Variants in HIVEP1 observed in about 807,000 individuals in gnomAD.
HIVEP1 encodes zinc finger protein 40.
In HIVEP1, 36 loss-of-function variants were observed where a neutral mutation model predicts 180.0. The ratio of observed to expected loss-of-function variants is 0.20; its 90% CI spans 0.15 to 0.26. The LOEUF (loss-of-function observed/expected upper bound fraction) is 0.26. Ranked by LOEUF, HIVEP1 falls within the 10% of genes least tolerant of loss-of-function variation. HIVEP1 has a pLI of 1.00. For synonymous variants in HIVEP1, 1,239 were observed against 1,239.0 expected, an observed-to-expected ratio of 1.00 and a Z score of 0.00; for missense variants, 3,143 against 3,268.7, an observed-to-expected ratio of 0.96 and a Z score of 0.94.
chr6:12,194,914 G>A, the HIVEP1 span, among the ~76,000 whole-genome samples: 1 of 152,116 alleles, frequency 6.6e-6, no homozygotes, highest in Non-Finnish European at 1.5e-5. Flanking sequence ...ACAAAGAAGA[G>A]CCAAAAAGGA....
At chr6:12,100,869 T>C (rs7752678) in intron 3 of HIVEP1, among the ~76,000 whole-genome samples, 42,141 of 152,000 alleles carry the variant, frequency 0.28, 6,491 homozygotes, top group Non-Finnish European at 0.35. Flanking sequence ...AGAATAGGGA[T>C]GCTCAGCCGG....
At chr6:12,117,415 C>T (rs939001913) in intron 3 of HIVEP1, among the ~76,000 whole-genome samples, 2 of 152,156 alleles carry the variant, frequency 1.3e-5, no homozygotes, top group Non-Finnish European at 1.5e-5. Context: ...TCTTAACTCC[C>T]AGTAGATTTA....
chr6:12,154,291 C>T (rs914151283), intron 7 of HIVEP1, among the ~76,000 whole-genome samples: 11 of 152,200 alleles, frequency 7.2e-5, no homozygotes, highest in African/African-American at 2.4e-4. Context: ...GAAATCCTTA[C>T]CTTTACTCCT....
intron 7 of HIVEP1, among the ~76,000 whole-genome samples, chr6:12,143,914 A>G (rs1759206424): frequency 6.6e-6 from 1 of 152,218 alleles, no homozygotes; most frequent in Non-Finnish European, 1.5e-5. Flanking sequence ...AGAACATTCC[A>G]TGCTCATGGA....
At chr6:12,174,793 TTTG>T in the HIVEP1 span, among the ~76,000 whole-genome samples, 538 of 152,242 alleles carry the variant, frequency 3.5e-3, 1 homozygote, top group Middle Eastern at 0.024. Flanking sequence ...ACTTACAACT[TTTG>T]TTGTTGTTGT....
intron 6 of HIVEP1, among the ~76,000 whole-genome samples, chr6:12,131,413 A>AT (rs534966523): frequency 0.011 from 1,515 of 144,108 alleles, 30 homozygotes; most frequent in Non-Finnish European, 0.016. Flanking sequence ...ATACATAGCC[A>AT]TTTTTTTTCA....
At chr6:12,105,601 C>T (rs1011653524) in intron 3 of HIVEP1, among the ~76,000 whole-genome samples, 2 of 152,170 alleles carry the variant, frequency 1.3e-5, no homozygotes, top group Non-Finnish European at 2.9e-5. Flanking sequence ...TACTATAAGT[C>T]CCTTATAAAA....
chr6:12,113,417 G>A (rs1485837836), intron 3 of HIVEP1, among the ~76,000 whole-genome samples: 1 of 151,966 alleles, frequency 6.6e-6, no homozygotes, highest in African/African-American at 2.4e-5. Context: ...GGGGCAGTTC[G>A]AGGAGGAGAA....
intron 2 of HIVEP1, among the ~76,000 whole-genome samples, chr6:12,059,604 T>C (rs1028811988): frequency 6.6e-6 from 1 of 152,214 alleles, no homozygotes; most frequent in African/African-American, 2.4e-5. Flanking sequence ...GCCACCTACC[T>C]GGGGTTCTCC....
At chr6:12,185,053 G>GT in the HIVEP1 span, among the ~76,000 whole-genome samples, 2 of 152,196 alleles carry the variant, frequency 1.3e-5, no homozygotes, top group Non-Finnish European at 2.9e-5. Context: ...TAAATAACAG[G>GT]TTTTGAATGT....
upstream of HIVEP1, chr6:12,008,268 G>A (rs1767108360): frequency 6.6e-6 from 1 of 152,278 alleles, no homozygotes; most frequent in Non-Finnish European, 1.5e-5. Flanking sequence ...TTTTATTCTT[G>A]TCTTTTCAAG....
chr6:12,174,754 A>G, the HIVEP1 span, among the ~76,000 whole-genome samples: 1 of 152,200 alleles, frequency 6.6e-6, no homozygotes, highest in East Asian at 1.9e-4. Context: ...ACATATTTCC[A>G]TGATGGACTT....
intron 2 of HIVEP1, among the ~76,000 whole-genome samples, chr6:12,037,212 A>G (rs1275936776): frequency 6.6e-6 from 1 of 152,128 alleles, no homozygotes; most frequent in African/African-American, 2.4e-5. Flanking sequence ...GGAGTGCCTC[A>G]TTTTCACTTC....
the HIVEP1 span, among the ~76,000 whole-genome samples, chr6:12,195,540 C>T: frequency 6.6e-6 from 1 of 152,144 alleles, no homozygotes; most frequent in Non-Finnish European, 1.5e-5. Flanking sequence ...TAGTTTAACC[C>T]ACACAATAAC....
intron 2 of HIVEP1, among the ~76,000 whole-genome samples, chr6:12,035,340 T>G (rs553003716): frequency 7.9e-5 from 12 of 152,352 alleles, no homozygotes; most frequent in African/African-American, 2.9e-4. Context: ...CATTATCTTT[T>G]TCAAGTTTAG....
the HIVEP1 span, among the ~76,000 whole-genome samples, chr6:12,211,933 G>A: frequency 6.6e-6 from 1 of 152,152 alleles, no homozygotes; most frequent in African/African-American, 2.4e-5. Flanking sequence ...TTAAACTACA[G>A]GGCAAGCAAG....
Position 12,123,854 on chromosome 6 carries a change from T to G in HIVEP1, c.4059T>G (p.Thr1353=), listed in dbSNP as rs781583320. ...TTATGATTCCAGCTGGCTTGAATAC[T>G]CTGAATGTTCCTGGATGTCACCGGG... ...EFLMIPAGLN[T]LNVPGCHREM... is the part of the protein sequence containing the mutation. The change falls in exon 4 of 9, where the codon ACT becomes ACG. Residue 1353 remains threonine, a synonymous_variant. Transcript: ENST00000379388. The G allele has an allele frequency of 1.2e-5, 20 of 1,614,068 alleles. No homozygotes were observed. Among genetic ancestry groups the G allele is most frequent in the African/African-American group, 9.3e-5 (7 of 74,938 alleles).
chr6:12,093,627 T>C (rs1773620542), intron 3 of HIVEP1, among the ~76,000 whole-genome samples: 1 of 151,958 alleles, frequency 6.6e-6, no homozygotes, highest in South Asian at 2.1e-4. Flanking sequence ...ATTGCTAATA[T>C]TGTTAAATGT....
chr6:12,123,642 A>G lies in HIVEP1; in HGVS notation c.3847A>G (p.Arg1283Gly). Residue 1283 changes from arginine to glycine, a missense_variant, in exon 4 of 9, where the codon AGG becomes GGG. Arg to Gly is a moderately radical substitution (Grantham distance 125, BLOSUM62 -2). Transcript: ENST00000379388. ...AGAGAAACTGCCACCCAAAAAGAAA[A>G]GGCTCCGTCTGGCTGAGATAGAACA... ...PTEKLPPKKK[R>G]LRLAEIEHSS... 1.2e-6 allele frequency: 2 copies of G among 1,614,100 alleles called. No individual in the cohort carries two copies.
Sources: allele counts gnomAD v4.1 joint callset (sites outside exome capture counted in the v4.1 genomes callset), GRCh38; gene constraint gnomAD v4.1.1; transcripts MANE v1.5; gene names NCBI Gene and HGNC (gene_info 2026-07-23, HGNC 2026-07-21).